Variants in SHC3 observed in about 807,000 individuals in gnomAD.
SHC3 encodes the protein SHC-transforming protein 3.
A neutral mutation model predicts 60.4 loss-of-function variants in SHC3; 15 were observed. That is an observed-to-expected ratio of 0.25 (90% CI 0.17 to 0.38). The LOEUF (loss-of-function observed/expected upper bound fraction) is 0.38. Among genes scored for constraint, SHC3 ranks in the 10% least tolerant of loss-of-function variants. SHC3 has a pLI of 1.00. For synonymous variants in SHC3, 294 were observed against 325.9 expected (o/e 0.90, Z 1.05); for missense variants, 677 against 786.1 (o/e 0.86, Z 1.66).
intron 1 of SHC3, among the ~76,000 whole-genome samples, chr9:89,171,487 G>A (rs1230309881): frequency 6.6e-6 from 1 of 152,194 alleles, no homozygotes; most frequent in Non-Finnish European, 1.5e-5. Flanking sequence ...GGAATGGACT[G>A]TTTGCTTCTT....
chr9:89,111,129 C>G (rs1355375315), intron 2 of SHC3, among the ~76,000 whole-genome samples: 4 of 152,148 alleles, frequency 2.6e-5, no homozygotes, highest in Admixed American at 6.6e-5. Context: ...GTTGTGTGTG[C>G]ACAATCAGCA....
chr9:89,051,920 C>T, intron 7 of SHC3, 117 bp downstream of exon 7: 1 of 1,450,490 alleles, frequency 6.9e-7, no homozygotes, highest in Non-Finnish European at 9.3e-7. Flanking sequence ...TCTCTGAGCC[C>T]AGGAAGCCCT....
chr9:89,086,717 T>G (rs1237359040), intron 2 of SHC3, among the ~76,000 whole-genome samples: 1 of 152,200 alleles, frequency 6.6e-6, no homozygotes, highest in Non-Finnish European at 1.5e-5. Context: ...TGCTTTGATT[T>G]TTCCTGTGAC....
intron 2 of SHC3, among the ~76,000 whole-genome samples, chr9:89,081,892 C>T (rs961260893): frequency 3.3e-5 from 5 of 152,150 alleles, no homozygotes; most frequent in African/African-American, 7.2e-5. Context: ...CTTTCAGCTG[C>T]AGCTCCTGAC....
intron 4 of SHC3, among the ~76,000 whole-genome samples, 190 bp downstream of exon 4, chr9:89,074,919 A>T (rs1035027327): frequency 6.6e-6 from 1 of 152,162 alleles, no homozygotes; most frequent in African/African-American, 2.4e-5. Context: ...AATAAAAAGC[A>T]GAATTAAAGA....
chr9:89,093,079 A>G (rs746933895), intron 2 of SHC3, among the ~76,000 whole-genome samples: 6 of 152,220 alleles, frequency 3.9e-5, no homozygotes, highest in Non-Finnish European at 8.8e-5. Flanking sequence ...GTGGACATAC[A>G]TTTTTATTGC....
rs192801977 is a variant in SHC3 at position 89,153,335 on chromosome 9, C to T, written c.474+24652G>A. 1.0e-3 allele frequency among the ~76,000 whole-genome samples: 158 copies of T among 152,264 alleles called. No individual in the cohort carries two copies. In the South Asian group the frequency reaches 0.013, roughly 12 times the overall value. On this transcript the variant is annotated intron_variant, in intron 1 of 11. Coordinates refer to ENST00000375835, the MANE Select transcript of SHC3 (RefSeq NM_016848.6). ...TATGAGAATGTTGTCTGATGCCCTA[C>T]TTATAAGGCAGCGGCCGCTGGGAGC...
chr9:89,120,618 A>C (rs1375045201), intron 1 of SHC3, among the ~76,000 whole-genome samples: 1 of 152,214 alleles, frequency 6.6e-6, no homozygotes, highest in Admixed American at 6.5e-5. Context: ...AACTATATGG[A>C]AGTATCTATG....
In SHC3 at chr9:89,065,560, T is replaced by C; in HGVS notation, c.804A>G (p.Ala268=). 6.2e-7 allele frequency: 1 copy of C among 1,614,150 alleles called. No individual in the cohort carries two copies. The highest frequency in any genetic ancestry group is 8.5e-7 in the Non-Finnish European group (1 of 1,180,024). Residue 268 remains alanine (A), a synonymous_variant, in exon 6 of 12, where the codon GCA becomes GCG. Coordinates refer to ENST00000375835, the MANE Select transcript of SHC3 (RefSeq NM_016848.6). ...GATTAACAGGGTCCTTAGCCACATA[T>C]GCAACATAGTCAGTTGTGTCCTGTT... The part of the protein sequence containing the change: ...GGDPDTTDYV[A]YVAKDPVNRR...
chr9:89,135,665 CA>C (rs1436800786), intron 1 of SHC3, among the ~76,000 whole-genome samples: 1 of 152,012 alleles, frequency 6.6e-6, no homozygotes, highest in Non-Finnish European at 1.5e-5. Context: ...CTGGTTTCAT[CA>C]GTTGTTTTTG....
At chr9:89,154,742 G>A (rs370656049) in intron 1 of SHC3, among the ~76,000 whole-genome samples, 35 of 152,160 alleles carry the variant, frequency 2.3e-4, no homozygotes, top group South Asian at 1.7e-3. Flanking sequence ...TCAATCTTAC[G>A]TACGACAAGG....
chr9:89,127,996 T>C (rs1193515394), intron 1 of SHC3, among the ~76,000 whole-genome samples: 2 of 152,126 alleles, frequency 1.3e-5, no homozygotes, highest in Non-Finnish European at 2.9e-5. Flanking sequence ...GTTAAGAAAC[T>C]GGCAAATGAA....
In SHC3 at chr9:89,049,995, C is replaced by T. The variant is rs767495889; in HGVS notation, c.962+2042G>A. Among the ~76,000 whole-genome samples the T allele has an allele frequency of 2.0e-5, 3 of 152,116 alleles. No individual in the cohort carries two copies. The East Asian group carries it at 5.8e-4, about 29-fold the overall frequency. On this transcript the variant is annotated intron_variant, in intron 7 of 11. Coordinates refer to ENST00000375835, the MANE Select transcript of SHC3 (RefSeq NM_016848.6). ...CAATTAAACTCCTTTAAATTTAATT[C>T]GGCTGAAATTTTTCTTTTATCAATT...
chr9:89,135,411 T>A (rs550181027), intron 1 of SHC3, among the ~76,000 whole-genome samples: 1 of 152,010 alleles, frequency 6.6e-6, no homozygotes, highest in South Asian at 2.1e-4. Context: ...GGTTTGGCTT[T>A]AAAAAAAAGT....
chr9:89,114,975 C>T (rs1826000834), intron 1 of SHC3, among the ~76,000 whole-genome samples: 1 of 152,092 alleles, frequency 6.6e-6, no homozygotes, highest in Non-Finnish European at 1.5e-5. Context: ...AAATAGGCAA[C>T]CAATGACACA....
intron 4 of SHC3, among the ~76,000 whole-genome samples, chr9:89,074,838 T>C (rs1181166485): frequency 6.6e-6 from 1 of 151,992 alleles, no homozygotes; most frequent in Non-Finnish European, 1.5e-5. Context: ...AGAAGAGACT[T>C]TGCACACACA....
chr9:89,108,546 C>G (rs910965178), intron 2 of SHC3, among the ~76,000 whole-genome samples: 1 of 151,858 alleles, frequency 6.6e-6, no homozygotes, highest in Non-Finnish European at 1.5e-5. Context: ...TACATACACA[C>G]ACACACACAC....
chr9:89,081,066 G>A (rs775889086), intron 2 of SHC3, among the ~76,000 whole-genome samples: 15 of 152,096 alleles, frequency 9.9e-5, no homozygotes, highest in East Asian at 1.9e-4. Context: ...ACGCCTGGCC[G>A]GGAAGAATAT....
At chr9:89,084,660 A>C (rs1825499787) in intron 2 of SHC3, among the ~76,000 whole-genome samples, 1 of 152,196 alleles carries the variant, frequency 6.6e-6, no homozygotes, top group African/African-American at 2.4e-5. Context: ...TAGAATTCTA[A>C]CAGTTGGGTT....
Sources: allele counts gnomAD v4.1 joint callset (sites outside exome capture counted in the v4.1 genomes callset), GRCh38; gene constraint gnomAD v4.1.1; transcripts MANE v1.5; gene names NCBI Gene and HGNC (gene_info 2026-07-23, HGNC 2026-07-21).